Variants in MROH9 observed in about 807,000 individuals in gnomAD.
The protein encoded by MROH9 is maestro heat-like repeat-containing protein family member 9.
In MROH9, 92 loss-of-function variants were observed where a neutral mutation model predicts 98.2. That is an observed-to-expected ratio of 0.94 (90% CI 0.79 to 1.11). The LOEUF is 1.11. Ranked by LOEUF, MROH9 falls within the 50% of genes most tolerant of loss-of-function variation. The pLI, the probability that MROH9 is intolerant of heterozygous loss-of-function variation, is 0.00. For synonymous variants in MROH9, 397 were observed against 368.9 expected (o/e 1.08, Z -0.87); for missense variants, 1,057 against 1,014.8 (o/e 1.04, Z -0.57).
intron 17 of MROH9, among the ~76,000 whole-genome samples, chr1:171,021,378 T>C (rs185458895): frequency 7.3e-4 from 110 of 151,722 alleles, no homozygotes; most frequent in African/African-American, 2.5e-3. Context: ...GGCTACAGTA[T>C]CCAAAACAAC....
intron 8 of MROH9, among the ~76,000 whole-genome samples, chr1:170,975,451 G>T (rs985369991): frequency 2.0e-5 from 3 of 152,090 alleles, no homozygotes; most frequent in African/African-American, 7.2e-5. Context: ...GATTTAGGGG[G>T]TACAAATGCT....
At chr1:170,949,536 A>C (rs907654288) in intron 3 of MROH9, among the ~76,000 whole-genome samples, 1 of 152,224 alleles carries the variant, frequency 6.6e-6, no homozygotes, top group African/African-American at 2.4e-5. Flanking sequence ...GATACTCCTT[A>C]TAAGTAATAA....
At chr1:171,016,555 C>G (rs1316130215) in intron 17 of MROH9, among the ~76,000 whole-genome samples, 2 of 151,960 alleles carry the variant, frequency 1.3e-5, no homozygotes, top group Non-Finnish European at 2.9e-5. Flanking sequence ...GGAATAGCCT[C>G]TATCCTTGGA....
intron 15 of MROH9, among the ~76,000 whole-genome samples, chr1:171,001,781 C>A (rs567171424): frequency 9.2e-5 from 14 of 152,214 alleles, no homozygotes; most frequent in African/African-American, 3.1e-4. Context: ...TAGTTTAAAT[C>A]CATTGTTTCT....
At chr1:171,021,753 G>A (rs1652526839) in intron 17 of MROH9, among the ~76,000 whole-genome samples, 2 of 152,032 alleles carry the variant, frequency 1.3e-5, no homozygotes, top group African/African-American at 4.8e-5. Context: ...TTGACAAATA[G>A]GATCTAATCA....
intron 20 of MROH9, among the ~76,000 whole-genome samples, chr1:171,029,601 G>A (rs1303154731): frequency 6.6e-6 from 1 of 152,152 alleles, no homozygotes; most frequent in African/African-American, 2.4e-5. Flanking sequence ...TATGTTTATT[G>A]ATTTGCATAT....
At chr1:171,013,818 G>A (rs1652238019) in intron 15 of MROH9, among the ~76,000 whole-genome samples, 1 of 151,534 alleles carries the variant, frequency 6.6e-6, no homozygotes, top group African/African-American at 2.4e-5. Flanking sequence ...CAGTATGATG[G>A]GGAAATTTAA....
intron 12 of MROH9, among the ~76,000 whole-genome samples, chr1:170,994,483 G>T (rs1392545793): frequency 1.3e-5 from 2 of 151,788 alleles, no homozygotes; most frequent in Non-Finnish European, 2.9e-5. Context: ...TATTTTTGTG[G>T]GTACAGAGTA....
intron 17 of MROH9, among the ~76,000 whole-genome samples, chr1:171,020,174 C>G (rs1456406921): frequency 6.6e-6 from 1 of 150,630 alleles, no homozygotes; most frequent in African/African-American, 2.4e-5. Context: ...CAGCCAAATT[C>G]TACTAGACAT....
chr1:171,011,730 AAC>A (rs1251895265), intron 15 of MROH9, among the ~76,000 whole-genome samples: 2 of 152,190 alleles, frequency 1.3e-5, no homozygotes, highest in Non-Finnish European at 2.9e-5. Flanking sequence ...AAGAACTACT[AAC>A]ACAGATATTC....
At chr1:171,041,935 G>A (rs191943008) in intron 20 of MROH9, among the ~76,000 whole-genome samples, 4 of 152,090 alleles carry the variant, frequency 2.6e-5, no homozygotes, top group Non-Finnish European at 5.9e-5. Context: ...TGTGAAATAA[G>A]CATGTCATGG....
At chr1:171,054,445 G>T (rs908756204) in intron 20 of MROH9, among the ~76,000 whole-genome samples, 2 of 152,122 alleles carry the variant, frequency 1.3e-5, no homozygotes, top group African/African-American at 4.8e-5. Context: ...AATAGCATCA[G>T]AAAAACCTTT....
At chr1:170,978,224 C>G (rs1008347865) in intron 8 of MROH9, among the ~76,000 whole-genome samples, 1 of 152,102 alleles carries the variant, frequency 6.6e-6, no homozygotes, top group Non-Finnish European at 1.5e-5. Flanking sequence ...TTCAAAGGCT[C>G]TCCAGGTGGA....
intron 14 of MROH9, among the ~76,000 whole-genome samples, chr1:170,997,258 G>A (rs892334580): frequency 3.3e-5 from 5 of 152,064 alleles, no homozygotes; most frequent in African/African-American, 9.7e-5. Flanking sequence ...GGGCCTTGAT[G>A]CTTTTATAAC....
At chr1:171,016,654 G>A (rs1398450833) in intron 17 of MROH9, among the ~76,000 whole-genome samples, 1 of 152,112 alleles carries the variant, frequency 6.6e-6, no homozygotes, top group African/African-American at 2.4e-5. Context: ...TATTGGCTAT[G>A]AAACACTGAG....
Position 170,970,211 on chromosome 1 carries a change from G to A in MROH9, c.481-1537G>A, listed in dbSNP as rs1218947423. On this transcript the variant is annotated intron_variant, in intron 7 of 21. Transcript: ENST00000367759. ...AGGGATAATCAGAGAGGACATTTGA[G>A]GCAAAACCTGTAATATAAGATGACT... Among the ~76,000 whole-genome samples, 7 of 152,206 alleles carry A rather than the reference G, an allele frequency of 4.6e-5. No homozygotes were observed. The East Asian group carries it at 1.4e-3, about 29-fold the overall frequency.
intron 1 of MROH9, among the ~76,000 whole-genome samples, chr1:170,937,550 C>G (rs1314676509): frequency 8.0e-6 from 1 of 125,420 alleles, no homozygotes; most frequent in Non-Finnish European, 1.6e-5. Context: ...GAGACGGAGT[C>G]TCGCTCTGTC....
chr1:171,041,410 C>T (rs112483933), intron 20 of MROH9, among the ~76,000 whole-genome samples: 1,089 of 104,520 alleles, frequency 0.01, 23 homozygotes, highest in Middle Eastern at 0.042. Flanking sequence ...AAGATACATA[C>T]ACACACACAC....
chr1:171,060,481 C>T (rs1174597232), intron 20 of MROH9, among the ~76,000 whole-genome samples: 1 of 151,982 alleles, frequency 6.6e-6, no homozygotes, highest in African/African-American at 2.4e-5. Context: ...CAAGAATAGC[C>T]AAGATAATTT....
Sources: gnomAD v4.1 joint callset for allele counts (sites outside exome capture counted in the v4.1 genomes callset) on GRCh38, gnomAD v4.1.1 for gene constraint, MANE v1.5 for transcripts, NCBI Gene and HGNC (gene_info 2026-07-23, HGNC 2026-07-21) for gene names.